The following PRPSAP2 variants were observed in gnomAD, a reference collection of about 807,000 sequenced individuals.
PRPSAP2 encodes phosphoribosyl pyrophosphate synthase-associated protein 2.
In PRPSAP2, 24 loss-of-function variants were observed where a neutral mutation model predicts 40.6. That is an observed-to-expected ratio of 0.59 (90% CI 0.43 to 0.83). The LOEUF (loss-of-function observed/expected upper bound fraction) is 0.83. Among genes scored for constraint, PRPSAP2 ranks in the 40% least tolerant of loss-of-function variants. PRPSAP2 has a pLI of 0.00. For missense variants in PRPSAP2, 292 were observed against 465.6 expected (o/e 0.63, Z 3.43); for synonymous variants, 149 against 164.7 (o/e 0.90, Z 0.73).
chr17:18,867,057 G>A (rs1036767938), intron 3 of PRPSAP2, among the ~76,000 whole-genome samples: 7 of 152,130 alleles, frequency 4.6e-5, no homozygotes, highest in Admixed American at 2.6e-4. Context: ...GATGGCTAGT[G>A]AGGCAGGCAG....
At chr17:18,899,588 G>C (rs569844344) in intron 8 of PRPSAP2, among the ~76,000 whole-genome samples, 18 of 134,822 alleles carry the variant, frequency 1.3e-4, no homozygotes, top group African/African-American at 5.1e-4. Flanking sequence ...GAGTGTAGTG[G>C]TATGATCACA....
At chr17:18,869,789 A>AT (rs36014797) in intron 4 of PRPSAP2, among the ~76,000 whole-genome samples, 2 of 145,816 alleles carry the variant, frequency 1.4e-5, no homozygotes, top group Admixed American at 1.4e-4. Flanking sequence ...TTTTTCCAAC[A>AT]TTTTTTTTTT....
chr17:18,897,337 C>T (rs1361126106), intron 8 of PRPSAP2, among the ~76,000 whole-genome samples: 24 of 152,110 alleles, frequency 1.6e-4, no homozygotes, highest in Non-Finnish European at 1.0e-4. Flanking sequence ...TTAACTTCCA[C>T]AGTTATGTAA....
intron 8 of PRPSAP2, among the ~76,000 whole-genome samples, chr17:18,893,504 C>T (rs2039711142): frequency 6.6e-6 from 1 of 151,850 alleles, no homozygotes; most frequent in Non-Finnish European, 1.5e-5. Flanking sequence ...TCTGTAATCT[C>T]AGCACTTCGG....
chr17:18,908,031 G>A (rs1039512436), intron 8 of PRPSAP2, among the ~76,000 whole-genome samples: 3 of 152,104 alleles, frequency 2.0e-5, no homozygotes, highest in Admixed American at 6.6e-5. Flanking sequence ...CCAGCTACTC[G>A]GGAGGCTGAG....
intron 10 of PRPSAP2, among the ~76,000 whole-genome samples, chr17:18,926,772 G>T (rs2041999613): frequency 8.0e-6 from 1 of 125,566 alleles, no homozygotes; most frequent in Admixed American, 7.6e-5. Flanking sequence ...CATGTAGTGA[G>T]TGTGAGTGTG....
At chr17:18,873,158 G>A (rs989314204) in intron 5 of PRPSAP2, among the ~76,000 whole-genome samples, 69 of 149,268 alleles carry the variant, frequency 4.6e-4, no homozygotes, top group Non-Finnish European at 1.6e-4. Context: ...TGTTCTTAAC[G>A]GGTGGAAATA....
chr17:18,861,941 G>T (rs1235717334), intron 1 of PRPSAP2, among the ~76,000 whole-genome samples: 1 of 152,120 alleles, frequency 6.6e-6, no homozygotes, highest in African/African-American at 2.4e-5. Context: ...AGGCTGGCGT[G>T]CAGTGGTGCA....
At chr17:18,913,612 G>A (rs910994524) in intron 9 of PRPSAP2, among the ~76,000 whole-genome samples, 3 of 140,820 alleles carry the variant, frequency 2.1e-5, no homozygotes, top group Admixed American at 7.6e-5. Context: ...GCAGTTGTGC[G>A]ATCATGGCTC....
intron 3 of PRPSAP2, among the ~76,000 whole-genome samples, 190 bp downstream of exon 3, chr17:18,866,142 T>C (rs548032986): frequency 1.6e-4 from 25 of 152,164 alleles, no homozygotes; most frequent in African/African-American, 5.3e-4. Flanking sequence ...CATCTGTATA[T>C]ATTAAGGGCT....
At position 18,889,793 on chromosome 17, in the gene PRPSAP2, A is replaced by G. The variant is rs1418360743; in HGVS notation, c.529-29A>G. The G allele has an allele frequency of 4.5e-6, 7 of 1,561,978 alleles. No individual in the cohort carries two copies. The South Asian group carries it at 4.8e-5, about 11-fold the overall frequency. On this transcript the variant is annotated intron_variant, in intron 7 of 11. Coordinates refer to ENST00000268835, the MANE Select transcript of PRPSAP2 (RefSeq NM_002767.4). ...GGAATTTTCCTTTTTGTTGACATGC[A>G]GTAATACCTGACTTCTTGTCTGTCA...
intron 5 of PRPSAP2, among the ~76,000 whole-genome samples, chr17:18,873,155 A>T (rs572974869): frequency 6.8e-6 from 1 of 147,114 alleles, no homozygotes; most frequent in East Asian, 2.0e-4. Flanking sequence ...CAGTGTTCTT[A>T]ACGGGTGGAA....
rs71155365 is a variant in PRPSAP2, at chr17:18,886,929, C to CTTTTTT, written c.529-2874_529-2869dup. On this transcript the variant is annotated intron_variant, in intron 7 of 11. Coordinates refer to ENST00000268835, the MANE Select transcript of PRPSAP2 (RefSeq NM_002767.4). The stretch of plus-strand genomic sequence containing the variant: ...CATACATGATAATTTTTCTTTTCTT[C>CTTTTTT]TTTTTTTTTTTTTTTTTTTTTTTTG... Among the ~76,000 whole-genome samples the CTTTTTT allele has an allele frequency of 2.1e-3, 161 of 75,356 alleles. 3 individuals are homozygous for CTTTTTT. The highest frequency in any genetic ancestry group is 0.025 in the Middle Eastern group (2 of 80). The allele number at this position is 75,356 out of a possible 152,430, so 49.4% of individuals were successfully genotyped here. A position where few individuals can be genotyped will look rare whatever the true frequency, so the allele number is the denominator to read the frequency against.
At chr17:18,891,680 C>T (rs772644366) in intron 8 of PRPSAP2, among the ~76,000 whole-genome samples, 4 of 152,186 alleles carry the variant, frequency 2.6e-5, no homozygotes, top group Non-Finnish European at 5.9e-5. Flanking sequence ...TCTCTGTTTT[C>T]AGAACATTTT....
chr17:18,892,745 A>ATTTTTTTTT lies in PRPSAP2; in HGVS notation c.584+2875_584+2876insTTTTTTTTT, dbSNP rs1555554151. On this transcript the variant is annotated intron_variant, in intron 8 of 11. Transcript: ENST00000268835. ...TGTGTGTGTATTTATTTATTTATTTATTTTTTTGAGACAGAGTCTCGCTCT... is the reference window on the plus strand; with the variant it reads ...TGTGTGTGTATTTATTTATTTATTTATTTTTTTTTTTTTTTTGAGACAGAGTCTCGCTCT... Among the ~76,000 whole-genome samples, 267 of 125,746 alleles carry ATTTTTTTTT rather than the reference A, an allele frequency of 2.1e-3. 1 individual carries two copies. The highest frequency in any genetic ancestry group is 3.1e-3 in the African/African-American group (103 of 33,142). 82.5% of individuals were successfully genotyped at this position (125,746 alleles called of 152,430 possible). A position where few individuals can be genotyped will look rare whatever the true frequency, so the allele number is the denominator to read the frequency against.
intron 8 of PRPSAP2, among the ~76,000 whole-genome samples, chr17:18,899,528 T>G (rs1052960778): frequency 2.9e-5 from 4 of 138,728 alleles, no homozygotes; most frequent in Non-Finnish European, 4.7e-5. Flanking sequence ...AGTTTTTTTT[T>G]TTTTTTTTTT....
rs1169247364 is a variant in PRPSAP2 at position 18,903,738 on chromosome 17, A to T, written c.585-7365A>T. 2.0e-5 allele frequency among the ~76,000 whole-genome samples: 3 copies of T among 152,092 alleles called. No homozygotes were observed. In the South Asian group the frequency reaches 6.2e-4, roughly 32 times the overall value. On this transcript the variant is annotated intron_variant, in intron 8 of 11. Transcript: ENST00000268835. ...GACAGCCAGACCCTGTCTCAAAAAA[A>T]CAAAGTAAAATAAAAAGGTATTGTG...
Position 18,911,392 on chromosome 17 carries a change from C to T in PRPSAP2, c.733+141C>T, listed in dbSNP as rs1465971723. 1.9e-5 allele frequency: 20 copies of T among 1,034,816 alleles called. No homozygotes were observed. The highest frequency in any genetic ancestry group is 5.7e-5 in the Admixed American group (2 of 35,262). 64.1% of individuals were successfully genotyped at this position (1,034,816 alleles called of 1,614,324 possible). On this transcript the variant is annotated intron_variant, in intron 9 of 11. Transcript: ENST00000268835. This position sits in a 1 kb window ranked among gnomAD's most constrained non-coding sequence, Gnocchi z 4.5. ...AACACCTTTCTTGGCCAGATAGTAG[C>T]GAATGCATTTCTGATTACCTTGTAA...
At chr17:18,910,346 C>T (rs551173813) in intron 8 of PRPSAP2, among the ~76,000 whole-genome samples, 32 of 152,130 alleles carry the variant, frequency 2.1e-4, no homozygotes, top group Middle Eastern at 3.4e-3. Flanking sequence ...CGCTTGAACC[C>T]GGGAGGCAGA....
Sources: gnomAD v4.1 joint callset for allele counts (sites outside exome capture counted in the v4.1 genomes callset) on GRCh38, gnomAD v4.1.1 for gene constraint, Gnocchi (gnomAD v3.1) non-coding constraint, MANE v1.5 for transcripts, NCBI Gene and HGNC (gene_info 2026-07-23, HGNC 2026-07-21) for gene names.